Variants in CADPS observed in about 807,000 individuals in gnomAD.
CADPS encodes the protein calcium-dependent secretion activator 1.
Under a neutral mutation model 167.3 loss-of-function variants are expected in CADPS, and 57 were observed. The ratio of observed to expected loss-of-function variants is 0.34; its 90% CI spans 0.28 to 0.42. The LOEUF (loss-of-function observed/expected upper bound fraction) is 0.42, where lower values mean the gene tolerates loss of function less well. CADPS is among the 20% of genes least tolerant of loss of function. CADPS has a pLI of 1.00. For synonymous variants in CADPS, 676 were observed against 635.3 expected (o/e 1.06, Z -0.96); for missense variants, 1,414 against 1,738.1 (o/e 0.81, Z 3.32).
intron 20 of CADPS, 30 bp downstream of exon 20, chr3:62,492,260 G>C (rs924697516): frequency 6.2e-7 from 1 of 1,603,852 alleles, no homozygotes; most frequent in African/African-American, 1.3e-5. Context: ...CACTACTTAG[G>C]AAAGTCAAAC....
chr3:62,830,419 T>G (rs551461271), intron 1 of CADPS, among the ~76,000 whole-genome samples: 1 of 152,316 alleles, frequency 6.6e-6, no homozygotes, highest in East Asian at 1.9e-4. Flanking sequence ...TGACAATCTT[T>G]TTCCCTCTTG....
At chr3:62,837,894 C>T (rs1261130750) in intron 1 of CADPS, among the ~76,000 whole-genome samples, 1 of 152,144 alleles carries the variant, frequency 6.6e-6, no homozygotes, top group Non-Finnish European at 1.5e-5. Context: ...ACAATGAGCC[C>T]TCAACAAATA....
At chr3:62,776,961 G>A (rs2090457649) in intron 1 of CADPS, among the ~76,000 whole-genome samples, 1 of 152,130 alleles carries the variant, frequency 6.6e-6, no homozygotes, top group African/African-American at 2.4e-5. Context: ...AATCTCTTTT[G>A]TCAGTTACAA....
At chr3:62,696,475 C>T in intron 3 of CADPS, among the ~76,000 whole-genome samples, 1 of 152,006 alleles carries the variant, frequency 6.6e-6, no homozygotes, top group South Asian at 2.1e-4. Flanking sequence ...TGCCTCTGAG[C>T]TCAGAGGCAC....
chr3:62,730,756 A>C (rs2152119179), intron 3 of CADPS, among the ~76,000 whole-genome samples: 1 of 152,330 alleles, frequency 6.6e-6, no homozygotes, highest in Non-Finnish European at 1.5e-5. Flanking sequence ...TTTGCCAATG[A>C]GTTGCATACT....
intron 28 of CADPS, among the ~76,000 whole-genome samples, chr3:62,415,480 AC>A (rs987238320): frequency 6.7e-6 from 1 of 150,214 alleles, no homozygotes; most frequent in East Asian, 2.0e-4. Context: ...TGTAGCCCCC[AC>A]CCCCCCAACT....
intron 3 of CADPS, among the ~76,000 whole-genome samples, chr3:62,712,635 C>T (rs978339730): frequency 2.8e-4 from 42 of 152,158 alleles, no homozygotes; most frequent in African/African-American, 9.4e-4. Flanking sequence ...AGAGTTGAAA[C>T]ATTTGCTATT....
intron 20 of CADPS, among the ~76,000 whole-genome samples, 175 bp from the exon 21 acceptor site, chr3:62,491,655 A>G (rs1272701349): frequency 6.6e-6 from 1 of 152,184 alleles, no homozygotes; most frequent in African/African-American, 2.4e-5. Flanking sequence ...GAAGGAAAAA[A>G]GTACATAAAA....
intron 1 of CADPS, among the ~76,000 whole-genome samples, chr3:62,856,743 A>G (rs1480031651): frequency 1.3e-5 from 2 of 152,016 alleles, no homozygotes; most frequent in Admixed American, 1.3e-4. Flanking sequence ...TTATGCATTT[A>G]ACACAACTAG....
intron 1 of CADPS, among the ~76,000 whole-genome samples, chr3:62,825,417 G>A (rs1470629782): frequency 6.6e-6 from 1 of 152,120 alleles, no homozygotes; most frequent in African/African-American, 2.4e-5. Flanking sequence ...CAAATGATCA[G>A]GCCTTACATC....
At chr3:62,707,105 A>G (rs2082447932) in intron 3 of CADPS, among the ~76,000 whole-genome samples, 1 of 152,040 alleles carries the variant, frequency 6.6e-6, no homozygotes, top group South Asian at 2.1e-4. Flanking sequence ...CGGACCCACT[A>G]CCGGTCCTTG....
In CADPS at chr3:62,434,099, ATCT is replaced by A. The variant is rs150022611; in HGVS notation, c.3777+4002_3777+4004del. Among the ~76,000 whole-genome samples, 647 of 152,302 alleles carry A rather than the reference ATCT, an allele frequency of 4.2e-3. 5 individuals are homozygous for A. Among genetic ancestry groups the A allele is most frequent in the African/African-American group, 0.014 (570 of 41,560 alleles). On this transcript the variant is annotated intron_variant, in intron 28 of 29. Coordinates refer to ENST00000383710, the MANE Select transcript of CADPS (RefSeq NM_003716.4). ...TCCACTTGAGTCTCACAGCAGTCTG[ATCT>A]TCTTTTAAAAATTCAGCATCTTTAA... is the stretch of plus-strand genomic sequence containing the variant.
At position 62,592,639 on chromosome 3, in the gene CADPS, G is replaced by A; in HGVS notation, c.1435C>T (p.Arg479Trp). The A allele has an allele frequency of 1.2e-6, 2 of 1,612,208 alleles. No individual in the cohort carries two copies. Among genetic ancestry groups the A allele is most frequent in the Non-Finnish European group, 1.7e-6 (2 of 1,178,360 alleles). Residue 479 changes from arginine to tryptophan, a missense_variant and splice_region_variant, in exon 7 of 30, where the codon CGG becomes TGG. Arg to Trp is a moderately radical substitution (Grantham distance 101, BLOSUM62 -3). Around this residue, in one of 6 missense-constraint regions of CADPS, gnomAD observed 157 missense variants for 229.4 expected, o/e 0.68. Transcript: ENST00000383710. ...CCCTTGTGATAAGAAGTGCTTACCC[G>A]CCCAAGCTCCTTGTCCTCCAACGCC... ...VLALEDKELG[R>W]VILHPTPNSP...
intron 6 of CADPS, among the ~76,000 whole-genome samples, chr3:62,603,437 G>A (rs2060248330): frequency 6.6e-6 from 1 of 152,206 alleles, no homozygotes; most frequent in African/African-American, 2.4e-5. Context: ...GCTCAGTACA[G>A]AGGAAACTTT....
intron 6 of CADPS, among the ~76,000 whole-genome samples, chr3:62,599,840 T>TAA (rs1415710693): frequency 9.9e-4 from 11 of 11,144 alleles, no homozygotes; most frequent in South Asian, 2.8e-3. Context: ...ATATAATATA[T>TAA]TATATATATA....
intron 13 of CADPS, among the ~76,000 whole-genome samples, chr3:62,531,324 A>AC (rs773802747): frequency 6.6e-6 from 1 of 152,062 alleles, no homozygotes; most frequent in Non-Finnish European, 1.5e-5. Context: ...ATGCACAGAT[A>AC]CCCCCCAGGT....
chr3:62,812,177 CATATG>C (rs374683476), intron 1 of CADPS, among the ~76,000 whole-genome samples: 1 of 152,044 alleles, frequency 6.6e-6, no homozygotes, highest in African/African-American at 2.4e-5. Context: ...AAAATATTAA[CATATG>C]ATATTTATTT....
intron 2 of CADPS, among the ~76,000 whole-genome samples, chr3:62,755,016 A>G (rs1424258645): frequency 6.6e-6 from 1 of 152,202 alleles, no homozygotes; most frequent in East Asian, 1.9e-4. Context: ...AGGTCCTAGA[A>G]TGTCTTCAGC....
intron 28 of CADPS, among the ~76,000 whole-genome samples, chr3:62,436,524 T>G (rs2055085001): frequency 6.6e-6 from 1 of 152,226 alleles, no homozygotes; most frequent in South Asian, 2.1e-4. Context: ...CTGTTTTCAA[T>G]GCCTATTGGA....
Sources: allele counts gnomAD v4.1 joint callset (sites outside exome capture counted in the v4.1 genomes callset), GRCh38; gene constraint gnomAD v4.1.1; regional missense constraint gnomAD v4.1.1; transcripts MANE v1.5; gene names NCBI Gene and HGNC (gene_info 2026-07-23, HGNC 2026-07-21).